Variants in ARHGEF28 observed in about 807,000 individuals in gnomAD.
ARHGEF28 encodes the protein Rho guanine nucleotide exchange factor 28.
ARHGEF28 carries 152 observed loss-of-function variants against 206.6 expected under a neutral mutation model. The ratio of observed to expected loss-of-function variants is 0.74; its 90% CI spans 0.64 to 0.84. The LOEUF (loss-of-function observed/expected upper bound fraction) is 0.84. ARHGEF28 is among the 40% of genes least tolerant of loss of function. The probability of loss-of-function intolerance (pLI) is 0.00; values close to 1 mark genes in which losing one functional copy is unlikely to be tolerated. For missense variants in ARHGEF28, 2,028 were observed against 2,073.2 expected, an observed-to-expected ratio of 0.98 and a Z score of 0.42; for synonymous variants, 763 against 776.4, an observed-to-expected ratio of 0.98 and a Z score of 0.29.
Position 73,873,192 on chromosome 5 carries a change from T to G in ARHGEF28, c.2760T>G (p.Ala920=), listed in dbSNP as rs1760222091. 6.2e-7 allele frequency: 1 copy of G among 1,612,144 alleles called. No individual in the cohort carries two copies. The highest frequency in any genetic ancestry group is 2.2e-5 in the East Asian group (1 of 44,842). Residue 920 remains alanine, a synonymous_variant, in exon 22 of 36, where the codon GCT becomes GCG. Transcript: ENST00000513042. ...AGGAACGAAGGCAGGAATCCTGTGCTGGCAGCGACAGGAATTTTGTGATCG... is the reference window on the plus strand; with the variant it reads ...AGGAACGAAGGCAGGAATCCTGTGCGGGCAGCGACAGGAATTTTGTGATCG... ...SMKERRQESC[A]GSDRNFVIDR...
Position 73,676,237 on chromosome 5 carries a change from ATG to A in ARHGEF28, c.-11-8602_-11-8601del, listed in dbSNP as rs202060147. Among the ~76,000 whole-genome samples the A allele has an allele frequency of 3.0e-4, 40 of 134,722 alleles. No individual in the cohort carries two copies. The Middle Eastern group carries it at 0.012, about 39-fold the overall frequency. The allele number at this position is 134,722 out of a possible 152,430, so 88.4% of individuals were successfully genotyped here. On this transcript the variant is annotated intron_variant, in intron 1 of 35. Transcript: ENST00000513042. ...AGGCCCCCACCACCACACCCAGCTA[ATG>A]TTTTTTTTTTTTTTAGGCAGAGTTT...
At chr5:73,837,726 C>G (rs374209592) in intron 10 of ARHGEF28, among the ~76,000 whole-genome samples, 1 of 149,962 alleles carries the variant, frequency 6.7e-6, no homozygotes, top group Non-Finnish European at 1.5e-5. Context: ...TTCCTTCCTT[C>G]CTTTCTTTCT....
intron 1 of ARHGEF28, among the ~76,000 whole-genome samples, chr5:73,634,211 T>C (rs1222608632): frequency 6.6e-6 from 1 of 152,182 alleles, no homozygotes; most frequent in East Asian, 1.9e-4. Flanking sequence ...GCAGAGCCAT[T>C]TGATGTGTCT....
rs775241766 is a variant in ARHGEF28 at position 73,868,005 on chromosome 5, G to A, written c.2282G>A (p.Gly761Asp). ...QVHPLSRSVP[G>D]TTLESFRRSA... ...CATCCATTGTCCAGAAGTGTTCCAG[G>A]CACCACCTTGGAAAGGTAAGGCTGA... Residue 761 changes from glycine to aspartate, a missense_variant, in exon 19 of 36, where the codon GGC (glycine) becomes GAC (aspartate). Gly to Asp is a moderately conservative substitution (Grantham distance 94). Transcript: ENST00000513042. 2 of 1,613,922 alleles carry A rather than the reference G, an allele frequency of 1.2e-6. No individual in the cohort carries two copies. Among genetic ancestry groups the A allele is most frequent in the East Asian group, 2.2e-5 (1 of 44,874 alleles).
At chr5:73,735,174 C>T (rs1362913972) in intron 2 of ARHGEF28, among the ~76,000 whole-genome samples, 2 of 151,074 alleles carry the variant, frequency 1.3e-5, no homozygotes, top group Non-Finnish European at 2.9e-5. Context: ...GAGTAGCTGG[C>T]TAATTTATTA....
intron 1 of ARHGEF28, among the ~76,000 whole-genome samples, chr5:73,646,658 C>G (rs1744443533): frequency 6.6e-6 from 1 of 152,174 alleles, no homozygotes; most frequent in Non-Finnish European, 1.5e-5. Flanking sequence ...CACTCTCTTT[C>G]CCCTGGCTGA....
intron 9 of ARHGEF28, among the ~76,000 whole-genome samples, chr5:73,819,138 T>C (rs762940703): frequency 6.6e-6 from 1 of 152,186 alleles, no homozygotes; most frequent in Non-Finnish European, 1.5e-5. Flanking sequence ...GAGTCAGATA[T>C]ACAGAGAATG....
intron 2 of ARHGEF28, among the ~76,000 whole-genome samples, chr5:73,719,166 C>T: frequency 6.6e-6 from 1 of 152,174 alleles, no homozygotes; most frequent in South Asian, 2.1e-4. Context: ...TTCTCCTATC[C>T]TAAGGCAGCC....
chr5:73,749,950 C>T lies in ARHGEF28; in HGVS notation c.147C>T (p.Arg49=), dbSNP rs1262933428. 1 of 1,613,846 alleles carries T rather than the reference C, an allele frequency of 6.2e-7. No homozygotes were observed. ...AGCGACATGTCATGATTGCAGAGCG[C>T]ATCGAGGATAACGTTCTCCAGTCCA... ...SHQRHVMIAE[R]IEDNVLQSSV... is the part of the protein sequence containing the mutation. The change falls in exon 3 of 36, where the codon CGC becomes CGT. Residue 49 remains arginine (R), a synonymous_variant. Coordinates refer to ENST00000513042, the MANE Select transcript of ARHGEF28 (RefSeq NM_001177693.2).
intron 2 of ARHGEF28, among the ~76,000 whole-genome samples, chr5:73,702,327 A>C (rs527350103): frequency 6.6e-6 from 1 of 152,280 alleles, no homozygotes; most frequent in Admixed American, 6.5e-5. Flanking sequence ...GGTGGCATTG[A>C]ATACATTCAT....
intron 10 of ARHGEF28, among the ~76,000 whole-genome samples, chr5:73,833,969 G>A (rs1052903592): frequency 5.3e-5 from 8 of 151,994 alleles, no homozygotes; most frequent in African/African-American, 1.9e-4. Context: ...GATTTGGATG[G>A]GGACACAGTG....
At chr5:73,773,728 G>A (rs1311907965) in intron 4 of ARHGEF28, 127 bp from the exon 5 acceptor site, 1 of 960,784 alleles carries the variant, frequency 1.0e-6, no homozygotes, top group East Asian at 2.7e-5. Flanking sequence ...GTGATTGGGT[G>A]CCATTGTTAA....
chr5:73,875,162 A>T (rs1760376258), intron 22 of ARHGEF28, among the ~76,000 whole-genome samples: 1 of 151,616 alleles, frequency 6.6e-6, no homozygotes, highest in Non-Finnish European at 1.5e-5. Context: ...CATTTCTCTG[A>T]TGGCCAGTGA....
At chr5:73,802,324 A>G (rs891489120) in intron 9 of ARHGEF28, among the ~76,000 whole-genome samples, 1 of 152,148 alleles carries the variant, frequency 6.6e-6, no homozygotes, top group African/African-American at 2.4e-5. Flanking sequence ...GGATGAAGGG[A>G]GTGGGTTGAT....
At chr5:73,663,422 C>A (rs1053006767) in intron 1 of ARHGEF28, among the ~76,000 whole-genome samples, 2 of 152,210 alleles carry the variant, frequency 1.3e-5, no homozygotes. Context: ...TGCAAGCAGG[C>A]ACAGGTCTCC....
chr5:73,780,581 A>G, intron 6 of ARHGEF28, 95 bp from the exon 7 acceptor site: 1 of 1,270,722 alleles, frequency 7.9e-7, no homozygotes, highest in Admixed American at 2.1e-5. Flanking sequence ...TAGCTCTGAG[A>G]TCATTGATAG....
At chr5:73,635,851 A>G (rs952098318) in intron 1 of ARHGEF28, among the ~76,000 whole-genome samples, 3 of 152,208 alleles carry the variant, frequency 2.0e-5, no homozygotes, top group African/African-American at 7.2e-5. Context: ...GAAAAAGAAC[A>G]ATGCACAAAA....
At position 73,897,991 on chromosome 5, in the gene ARHGEF28, T is replaced by C; in HGVS notation, c.3871T>C (p.Ser1291Pro). 6.3e-7 allele frequency: 1 copy of C among 1,592,950 alleles called. No individual in the cohort carries two copies. The highest frequency in any genetic ancestry group is 1.3e-5 in the African/African-American group (1 of 74,712). The change falls in exon 30 of 36, where the codon TCA becomes CCA. Residue 1291 changes from serine (S) to proline (P), a missense_variant. Coordinates refer to ENST00000513042, the MANE Select transcript of ARHGEF28 (RefSeq NM_001177693.2). ...GAGCCTACAAGTTGCAGTGAAGGCC[T>C]CACAGATGGGCGCCGTGAGTCAATC... is the stretch of plus-strand genomic sequence containing the variant. ...AESLQVAVKA[S>P]QMGAVSQSCE... is the part of the protein sequence containing the mutation.
intron 2 of ARHGEF28, among the ~76,000 whole-genome samples, chr5:73,731,603 G>A (rs1358858465): frequency 6.6e-6 from 1 of 152,086 alleles, no homozygotes; most frequent in Non-Finnish European, 1.5e-5. Context: ...GGGATAGGGT[G>A]GTCATGGAAT....
Sources: gnomAD v4.1 joint callset for allele counts (sites outside exome capture counted in the v4.1 genomes callset) on GRCh38, gnomAD v4.1.1 for gene constraint, MANE v1.5 for transcripts, NCBI Gene and HGNC (gene_info 2026-07-23, HGNC 2026-07-21) for gene names.